Variants in ANK3 observed in about 807,000 individuals in gnomAD.
ANK3 encodes ankyrin 3, also known as ankyrin-3.
ANK3 carries 57 observed loss-of-function variants against 370.9 expected under a neutral mutation model. The ratio of observed to expected loss-of-function variants is 0.15; its 90% confidence interval spans 0.12 to 0.19. The LOEUF is 0.19. Ranked by LOEUF, ANK3 falls within the 10% of genes least tolerant of loss-of-function variation. ANK3 has a pLI of 1.00. For missense variants in ANK3, 4,439 were observed against 5,302.1 expected (o/e 0.84, Z 5.06); for synonymous variants, 1,929 against 1,946.3 (o/e 0.99, Z 0.23).
chr10:60,461,958 C>T (rs774107106), intron 2 of ANK3, among the ~76,000 whole-genome samples: 9 of 152,080 alleles, frequency 5.9e-5, no homozygotes, highest in Non-Finnish European at 8.8e-5. Context: ...AGGTAGTCAG[C>T]GGGTGGGGGA....
intron 1 of ANK3, among the ~76,000 whole-genome samples, chr10:60,637,473 G>A (rs867218179): frequency 1.3e-5 from 2 of 152,132 alleles, no homozygotes; most frequent in South Asian, 2.1e-4. Context: ...AAAGTATTTA[G>A]CAATATATTT....
At chr10:60,724,027 G>C (rs867133641) in intron 1 of ANK3, among the ~76,000 whole-genome samples, 1 of 141,436 alleles carries the variant, frequency 7.1e-6, no homozygotes, top group Non-Finnish European at 1.5e-5. Flanking sequence ...TGGCTAACAC[G>C]GTGAAACCCC....
intron 1 of ANK3, among the ~76,000 whole-genome samples, chr10:60,360,097 T>A (rs1338543376): frequency 6.6e-6 from 1 of 152,192 alleles, no homozygotes; most frequent in Non-Finnish European, 1.5e-5. Flanking sequence ...GTTTTGATAG[T>A]TATAGAGCTT....
chr10:60,411,679 A>G (rs1342662308), intron 2 of ANK3, among the ~76,000 whole-genome samples: 2 of 152,144 alleles, frequency 1.3e-5, no homozygotes, highest in Non-Finnish European at 2.9e-5. Context: ...AGACTCCAGG[A>G]CCAGACTGCC....
chr10:60,186,316 CT>C (rs1260699609), intron 17 of ANK3, among the ~76,000 whole-genome samples: 2 of 147,638 alleles, frequency 1.4e-5, no homozygotes, highest in African/African-American at 5.0e-5. Context: ...ACTGAATTAT[CT>C]GAATTATTTA....
chr10:60,089,822 C>T (rs2087753904), intron 28 of ANK3, among the ~76,000 whole-genome samples: 1 of 151,450 alleles, frequency 6.6e-6, no homozygotes, highest in South Asian at 2.1e-4. Context: ...TATATAAATC[C>T]ACATATACTT....
intron 2 of ANK3, among the ~76,000 whole-genome samples, chr10:60,563,017 A>T (rs2077374741): frequency 6.6e-6 from 1 of 152,188 alleles, no homozygotes; most frequent in Admixed American, 6.5e-5. Context: ...TTTATTATAA[A>T]CTCATCAAAT....
At chr10:60,606,552 G>A (rs2078131215) in intron 2 of ANK3, among the ~76,000 whole-genome samples, 1 of 152,176 alleles carries the variant, frequency 6.6e-6, no homozygotes, top group African/African-American at 2.4e-5. Flanking sequence ...ATGTCTAAGA[G>A]CTGATTAAGG....
intron 1 of ANK3, among the ~76,000 whole-genome samples, chr10:60,291,356 G>T (rs376994627): frequency 4.6e-4 from 70 of 152,184 alleles, no homozygotes; most frequent in African/African-American, 1.7e-3. Context: ...GTCTTGATTT[G>T]CACCAGGCTA....
At chr10:60,192,574 T>C (rs2132388643) in intron 16 of ANK3, among the ~76,000 whole-genome samples, 1 of 152,230 alleles carries the variant, frequency 6.6e-6, no homozygotes, top group African/African-American at 2.4e-5. Context: ...CTGGAGGCCA[T>C]TATCTTCAGT....
At chr10:60,529,292 A>C (rs2076549751) in intron 2 of ANK3, among the ~76,000 whole-genome samples, 2 of 152,160 alleles carry the variant, frequency 1.3e-5, no homozygotes, top group African/African-American at 4.8e-5. Flanking sequence ...AAAGGCTTTC[A>C]GAAGGCTCTG....
intron 1 of ANK3, among the ~76,000 whole-genome samples, chr10:60,359,147 G>A (rs761740775): frequency 6.6e-6 from 1 of 152,086 alleles, no homozygotes; most frequent in Non-Finnish European, 1.5e-5. Context: ...TCTGACACTA[G>A]GGAGGTGCTC....
intron 1 of ANK3, among the ~76,000 whole-genome samples, chr10:60,376,261 C>T (rs2060757714): frequency 1.3e-5 from 2 of 152,192 alleles, no homozygotes; most frequent in Admixed American, 6.5e-5. Context: ...TCTGCACAGG[C>T]ACAATGCAGA....
chr10:60,323,952 A>T (rs1036150947), intron 1 of ANK3, among the ~76,000 whole-genome samples: 3 of 152,196 alleles, frequency 2.0e-5, no homozygotes, highest in African/African-American at 7.2e-5. Context: ...AGCATGGATG[A>T]TGTAGTAAGG....
chr10:60,391,920 G>A (rs994528276), upstream of ANK3, among the ~76,000 whole-genome samples: 2 of 152,168 alleles, frequency 1.3e-5, no homozygotes, highest in African/African-American at 4.8e-5. Flanking sequence ...ATCTCAGTAA[G>A]TGGTTAGCCC....
chr10:60,450,911 GT>G (rs34661139), intron 2 of ANK3, among the ~76,000 whole-genome samples: 35,027 of 152,132 alleles, frequency 0.23, 4,177 homozygotes, highest in South Asian at 0.32. Context: ...CAAAAGATCT[GT>G]CCACTTGGGA....
chr10:60,118,140 G>A (rs1218080809), intron 25 of ANK3, among the ~76,000 whole-genome samples: 1 of 152,192 alleles, frequency 6.6e-6, no homozygotes, highest in Non-Finnish European at 1.5e-5. Flanking sequence ...AGAACTTGGG[G>A]ACTGAAGGTG....
chr10:60,357,385 C>T (rs982269181), intron 1 of ANK3, among the ~76,000 whole-genome samples: 5 of 152,112 alleles, frequency 3.3e-5, no homozygotes, highest in Non-Finnish European at 4.4e-5. Flanking sequence ...ATCCAGACTC[C>T]GCCTATCCAT....
At chr10:60,500,929 A>C (rs910785660) in intron 2 of ANK3, among the ~76,000 whole-genome samples, 1 of 152,204 alleles carries the variant, frequency 6.6e-6, no homozygotes, top group African/African-American at 2.4e-5. Flanking sequence ...TTAAACAAAT[A>C]TTACCATTTG....
Sources: allele counts gnomAD v4.1 joint callset (sites outside exome capture counted in the v4.1 genomes callset), GRCh38; gene constraint gnomAD v4.1.1; transcripts MANE v1.5; gene names NCBI Gene and HGNC (gene_info 2026-07-23, HGNC 2026-07-21).